Variants in TEX26 observed in about 807,000 individuals in gnomAD.
The protein encoded by TEX26 is testis expressed 26, also known as testis-expressed protein 26.
Under a neutral mutation model 35.3 loss-of-function variants are expected in TEX26, and 34 were observed. The ratio of observed to expected loss-of-function variants is 0.96; its 90% CI spans 0.73 to 1.28. TEX26 has a LOEUF of 1.28. Among genes scored for constraint, TEX26 ranks in the 50% most tolerant of loss-of-function variants. The probability of loss-of-function intolerance (pLI) is 0.00; values close to 1 mark genes in which losing one functional copy is unlikely to be tolerated. For synonymous variants in TEX26, 136 were observed against 111.8 expected (o/e 1.22, Z -1.36); for missense variants, 371 against 330.1 (o/e 1.12, Z -0.96).
intron 3 of TEX26, 128 bp from the exon 4 acceptor site, chr13:30,956,745 T>A (rs1593580775): frequency 2.5e-6 from 2 of 796,440 alleles, no homozygotes; most frequent in East Asian, 5.3e-5. Flanking sequence ...GCTCCCAGCA[T>A]CCATGCACCT....
At chr13:30,961,650 C>T (rs886896685) in intron 4 of TEX26, among the ~76,000 whole-genome samples, 1 of 152,148 alleles carries the variant, frequency 6.6e-6, no homozygotes, top group Non-Finnish European at 1.5e-5. Context: ...GAAGCTTGCC[C>T]TTTGACTTTT....
At chr13:30,936,297 AG>A (rs1217965720) in intron 1 of TEX26, among the ~76,000 whole-genome samples, 1 of 152,228 alleles carries the variant, frequency 6.6e-6, no homozygotes, top group Non-Finnish European at 1.5e-5. Flanking sequence ...TGGATTGTCA[AG>A]GTTAGCAGAA....
At chr13:30,941,810 C>T (rs187670039) in intron 2 of TEX26, among the ~76,000 whole-genome samples, 131 of 152,232 alleles carry the variant, frequency 8.6e-4, no homozygotes, top group Middle Eastern at 6.8e-3. Flanking sequence ...CCAGCTCCAT[C>T]CAAGTTGCTG....
At chr13:30,969,495 G>A (rs1365235426) in intron 6 of TEX26, among the ~76,000 whole-genome samples, 1 of 152,180 alleles carries the variant, frequency 6.6e-6, no homozygotes, top group Non-Finnish European at 1.5e-5. Context: ...CTGAAGGAGA[G>A]CAAATGCCAT....
chr13:30,934,362 G>A (rs1237848584), intron 1 of TEX26, among the ~76,000 whole-genome samples: 1 of 152,218 alleles, frequency 6.6e-6, no homozygotes, highest in Non-Finnish European at 1.5e-5. Context: ...GTCCGAAATA[G>A]GATGAGGTTG....
At chr13:30,942,297 A>G (rs1007021371) in intron 2 of TEX26, among the ~76,000 whole-genome samples, 1 of 151,856 alleles carries the variant, frequency 6.6e-6, no homozygotes, top group Non-Finnish European at 1.5e-5. Context: ...TGTTTTTCAT[A>G]TGTTTTTGGC....
At chr13:30,966,858 C>T (rs1288904850) in intron 5 of TEX26, among the ~76,000 whole-genome samples, 1 of 152,212 alleles carries the variant, frequency 6.6e-6, no homozygotes, top group Non-Finnish European at 1.5e-5. Flanking sequence ...GCCAGAGATC[C>T]TGGCATGAAA....
At position 30,957,005 on chromosome 13, in the gene TEX26, A is replaced by G. The variant is rs1336163666; in HGVS notation, c.445A>G (p.Arg149Gly). 1 of 1,614,184 alleles carries G rather than the reference A, an allele frequency of 6.2e-7. No individual in the cohort carries two copies. The highest frequency in any genetic ancestry group is 1.7e-5 in the Admixed American group (1 of 60,020). Residue 149 changes from arginine (R) to glycine (G), a missense_variant, in exon 4 of 7, where the codon AGA becomes GGA. By Grantham distance (125) the Arg-to-Gly change is moderately radical. Coordinates refer to ENST00000380473, the MANE Select transcript of TEX26 (RefSeq NM_152325.3). Reference sequence around the variant, plus strand: ...AAATCAGTTTATTTCCCTTACTAAGAGAGACTTTGTGGACAGATCAAAAGG... The same window carrying G: ...AAATCAGTTTATTTCCCTTACTAAGGGAGACTTTGTGGACAGATCAAAAGG... ...LSNQFISLTKRDFVDRSKAQK... is the reference protein window; with the variant it reads ...LSNQFISLTKGDFVDRSKAQK...
intron 1 of TEX26, chr13:30,933,761 T>C (rs894728022): frequency 1.3e-5 from 2 of 152,084 alleles, no homozygotes; most frequent in African/African-American, 2.4e-5. Flanking sequence ...CCTCCTAGCA[T>C]CCCGACAGCA....
At chr13:30,936,615 C>T in intron 1 of TEX26, 1 of 910,288 alleles carries the variant, frequency 1.1e-6, no homozygotes, top group Non-Finnish European at 1.3e-6. Flanking sequence ...CCACATTAAA[C>T]TTGTGCTCAT....
In TEX26 at chr13:30,975,124, A is replaced by G. The variant is rs1954839478; in HGVS notation, c.*217A>G. On this transcript the variant is annotated 3_prime_UTR_variant, in exon 7 of 7. Coordinates refer to ENST00000380473, the MANE Select transcript of TEX26 (RefSeq NM_152325.3). ...GAACATAGCTTTAGCTGTATCCAAT[A>G]GTTTTTGATACAATGTTTTTTTCTT... The G allele has an allele frequency of 2.9e-6, 1 of 346,214 alleles. No homozygotes were observed. The highest frequency in any genetic ancestry group is 2.1e-5 in the African/African-American group (1 of 47,324). 21.4% of individuals were successfully genotyped at this position (346,214 alleles called of 1,614,324 possible).
intron 3 of TEX26, among the ~76,000 whole-genome samples, chr13:30,956,590 C>T (rs899927552): frequency 1.3e-5 from 2 of 152,156 alleles, no homozygotes; most frequent in African/African-American, 2.4e-5. Flanking sequence ...TATTTCTTCC[C>T]TTAGTCTTAT....
At chr13:30,936,881 T>C in intron 1 of TEX26, 1 of 985,422 alleles carries the variant, frequency 1.0e-6, no homozygotes, top group Non-Finnish European at 1.2e-6. Flanking sequence ...TTTCAGAATA[T>C]TGTGATTACA....
At chr13:30,967,755 T>C (rs1954589057) in intron 5 of TEX26, among the ~76,000 whole-genome samples, 1 of 152,234 alleles carries the variant, frequency 6.6e-6, no homozygotes, top group African/African-American at 2.4e-5. Flanking sequence ...CTATTATTTT[T>C]TTCATGATAG....
chr13:30,933,199 A>G (rs79591884), intron 1 of TEX26: 2,995 of 156,176 alleles, frequency 0.019, 53 homozygotes, highest in African/African-American at 0.042. Context: ...AAGTGGGGGA[A>G]GGGTTGGCTG....
intron 3 of TEX26, among the ~76,000 whole-genome samples, chr13:30,955,342 A>G (rs1954087076): frequency 6.6e-6 from 1 of 152,254 alleles, no homozygotes; most frequent in South Asian, 2.1e-4. Flanking sequence ...CAGGAAATAC[A>G]GGGGACAGAG....
chr13:30,952,862 T>C, intron 3 of TEX26, 37 bp downstream of exon 3: 1 of 1,548,810 alleles, frequency 6.5e-7, no homozygotes, highest in Non-Finnish European at 8.8e-7. Context: ...AATTTAATAC[T>C]GTACTGTATC....
chr13:30,954,893 C>T (rs1237499945), intron 3 of TEX26, among the ~76,000 whole-genome samples: 1 of 152,246 alleles, frequency 6.6e-6, no homozygotes, highest in Non-Finnish European at 1.5e-5. Context: ...CTATTGAAGG[C>T]TCTCAACCAA....
At chr13:30,968,314 G>T (rs1013811401) in intron 5 of TEX26, among the ~76,000 whole-genome samples, 1 of 152,144 alleles carries the variant, frequency 6.6e-6, no homozygotes, top group Non-Finnish European at 1.5e-5. Flanking sequence ...GCAGCCCCCA[G>T]AGAGAATGAT....
Sources: allele counts gnomAD v4.1 joint callset (sites outside exome capture counted in the v4.1 genomes callset), GRCh38; gene constraint gnomAD v4.1.1; transcripts MANE v1.5; gene names NCBI Gene and HGNC (gene_info 2026-07-23, HGNC 2026-07-21).